FGD4: variants seen among roughly 807,000 people sequenced by gnomAD.
FGD4 encodes FYVE, RhoGEF and PH domain containing 4.
A neutral mutation model predicts 102.0 loss-of-function variants in FGD4; 42 were observed. The ratio of observed to expected loss-of-function variants is 0.41; its 90% CI spans 0.32 to 0.53. The LOEUF (loss-of-function observed/expected upper bound fraction) is 0.53. Ranked by LOEUF, FGD4 falls within the 20% of genes least tolerant of loss-of-function variation. The pLI, the probability that FGD4 is intolerant of heterozygous loss-of-function variation, is 0.21. For missense variants in FGD4, 902 were observed against 1,078.2 expected, an observed-to-expected ratio of 0.84 and a Z score of 2.29; for synonymous variants, 380 against 375.7, an observed-to-expected ratio of 1.01 and a Z score of -0.13.
intron 1 of FGD4, among the ~76,000 whole-genome samples, chr12:32,437,648 TAATA>T (rs770865258): frequency 1.8e-4 from 27 of 152,238 alleles, no homozygotes; most frequent in Non-Finnish European, 3.1e-4. Context: ...TATTAACATG[TAATA>T]TGAATTCCCT....
intron 1 of FGD4, among the ~76,000 whole-genome samples, chr12:32,504,200 T>A (rs1019724840): frequency 1.3e-5 from 2 of 152,184 alleles, no homozygotes; most frequent in African/African-American, 4.8e-5. Context: ...AAATGTTTTT[T>A]AAAAAGCTTT....
intron 1 of FGD4, chr12:32,556,875 T>TG (rs1302992119): frequency 6.6e-6 from 1 of 152,242 alleles, no homozygotes; most frequent in Non-Finnish European, 1.5e-5. Flanking sequence ...GTTTTTAAGA[T>TG]GGAGTCTCAC....
chr12:32,474,911 A>G (rs1183770405), intron 1 of FGD4, among the ~76,000 whole-genome samples: 1 of 152,164 alleles, frequency 6.6e-6, no homozygotes, highest in African/African-American at 2.4e-5. Flanking sequence ...CTCCAAATTA[A>G]AAACAAATTT....
intron 1 of FGD4, among the ~76,000 whole-genome samples, chr12:32,470,385 TCTCGTTGCCATGACAGGTTTCAGAAGAA>T (rs1446475094): frequency 2.0e-5 from 3 of 152,118 alleles, no homozygotes; most frequent in Non-Finnish European, 2.9e-5. Context: ...CGAAGTATTC[TCTCGTTGCCATGACAGGTTTCAGAAGAA>T]CTGCTTTCTT....
rs143251785 is a variant in FGD4 at position 32,581,962 on chromosome 12, C to T, written c.506C>T (p.Ser169Leu). The T allele has an allele frequency of 1.3e-5, 21 of 1,613,804 alleles. No individual in the cohort carries two copies. In the African/African-American group the frequency reaches 2.8e-4, roughly 22 times the overall value. Residue 169 changes from serine (S) to leucine (L), a missense_variant and splice_region_variant, in exon 4 of 17, where the codon TCA (serine) becomes TTA (leucine). Transcript: ENST00000534526. ...DLISRFEGGS[S>L]LSNYSDLKKE... is the part of the protein sequence containing the mutation. The stretch of plus-strand genomic sequence containing the variant: ...TTCCTTTGTATTTTATCTTTTAGCT[C>T]ATTATCAAATTATAGTGATTTGAAG...
intron 1 of FGD4, among the ~76,000 whole-genome samples, chr12:32,513,138 G>A (rs982607843): frequency 1.7e-4 from 26 of 152,130 alleles, no homozygotes; most frequent in African/African-American, 5.5e-4. Flanking sequence ...CTGTGATTGC[G>A]CAGAGAGAAG....
intron 10 of FGD4, among the ~76,000 whole-genome samples, chr12:32,611,896 G>C (rs573477443): frequency 6.6e-6 from 1 of 152,336 alleles, no homozygotes; most frequent in South Asian, 2.1e-4. Context: ...TGTGCTCTCA[G>C]GGGCCCGGGA....
intron 1 of FGD4, among the ~76,000 whole-genome samples, chr12:32,449,669 G>C (rs1942714004): frequency 6.6e-6 from 1 of 152,240 alleles, no homozygotes; most frequent in African/African-American, 2.4e-5. Context: ...GGCTTCTCCA[G>C]TGTGAAATTT....
intron 3 of FGD4, 93 bp from the exon 4 acceptor site, chr12:32,581,867 C>G: frequency 7.1e-7 from 1 of 1,401,318 alleles, no homozygotes; most frequent in Non-Finnish European, 9.9e-7. Flanking sequence ...AAAAAAGTAG[C>G]GAATATCCCT....
intron 14 of FGD4, among the ~76,000 whole-genome samples, chr12:32,633,087 G>C (rs1385758127): frequency 6.7e-6 from 1 of 150,272 alleles, no homozygotes; most frequent in Admixed American, 6.7e-5. Flanking sequence ...GCGGGACTTT[G>C]TAAAATGGAA....
At chr12:32,527,311 C>A (rs566559470) in intron 1 of FGD4, among the ~76,000 whole-genome samples, 2 of 152,298 alleles carry the variant, frequency 1.3e-5, no homozygotes, top group South Asian at 4.1e-4. Flanking sequence ...ATCAGGGAGC[C>A]TAGCCTGTGG....
intron 1 of FGD4, among the ~76,000 whole-genome samples, chr12:32,526,767 A>T (rs1178422547): frequency 6.6e-6 from 1 of 152,126 alleles, no homozygotes; most frequent in Non-Finnish European, 1.5e-5. Context: ...TTCACTCCTG[A>T]GCCCAGCAAG....
chr12:32,608,176 A>G lies in FGD4; in HGVS notation c.1543+81A>G, dbSNP rs371140373. ...GCCTTATGGTTTCAAAGAGAAATAC[A>G]TCTCACAGCTACTTTAGTCAAATGT... On this transcript the variant is annotated intron_variant, in intron 8 of 16. Transcript: ENST00000534526. 2.5e-5 allele frequency: 39 copies of G among 1,534,630 alleles called. 2 individuals are homozygous for G. Among genetic ancestry groups the G allele is most frequent in the East Asian group, 6.7e-5 (3 of 44,446 alleles).
chr12:32,438,062 CTA>C (rs1942293483), intron 1 of FGD4, among the ~76,000 whole-genome samples: 1 of 152,110 alleles, frequency 6.6e-6, no homozygotes, highest in African/African-American at 2.4e-5. Flanking sequence ...CGGGTAATTT[CTA>C]TAGTTTTAGT....
intron 1 of FGD4, among the ~76,000 whole-genome samples, chr12:32,513,613 G>A (rs1202780384): frequency 1.3e-5 from 2 of 152,184 alleles, no homozygotes; most frequent in Admixed American, 1.3e-4. Context: ...AATTAAGACT[G>A]GCACAAGGAT....
intron 1 of FGD4, among the ~76,000 whole-genome samples, chr12:32,474,044 C>T (rs564942791): frequency 9.3e-4 from 141 of 151,606 alleles, no homozygotes; most frequent in African/African-American, 3.3e-3. Context: ...GCTGAGAGCG[C>T]GCCACTGCAC....
intron 4 of FGD4, among the ~76,000 whole-genome samples, chr12:32,583,379 TAGA>T (rs1946771181): frequency 6.6e-6 from 1 of 152,132 alleles, no homozygotes; most frequent in South Asian, 2.1e-4. Flanking sequence ...AATTCATTTA[TAGA>T]AGAAGAAATA....
At chr12:32,537,427 C>T (rs1454377693) in intron 1 of FGD4, among the ~76,000 whole-genome samples, 2 of 152,148 alleles carry the variant, frequency 1.3e-5, no homozygotes. Context: ...TCCTGGAGTC[C>T]ATTGTCTACC....
At chr12:32,424,032 C>A (rs1210708360) in intron 1 of FGD4, among the ~76,000 whole-genome samples, 6 of 151,992 alleles carry the variant, frequency 3.9e-5, no homozygotes, top group Non-Finnish European at 8.8e-5. Context: ...CTAGGTTCAT[C>A]CATGCTGTTG....
Sources: gnomAD v4.1 joint callset for allele counts (sites outside exome capture counted in the v4.1 genomes callset) on GRCh38, gnomAD v4.1.1 for gene constraint, MANE v1.5 for transcripts, NCBI Gene and HGNC (gene_info 2026-07-23, HGNC 2026-07-21) for gene names.